Variants in UNC5D observed in about 807,000 individuals in gnomAD.
UNC5D encodes the protein netrin receptor UNC5D.
A neutral mutation model predicts 105.4 loss-of-function variants in UNC5D; 39 were observed. The ratio of observed to expected loss-of-function variants is 0.37; its 90% confidence interval spans 0.29 to 0.48. UNC5D has a LOEUF of 0.48. Ranked by LOEUF, UNC5D falls within the 20% of genes least tolerant of loss-of-function variation. The pLI is 0.98. For missense variants in UNC5D, 991 were observed against 1,202.4 expected (o/e 0.82, Z 2.60); for synonymous variants, 452 against 450.4 (o/e 1.00, Z -0.04).
chr8:35,352,738 G>A (rs995530285), intron 1 of UNC5D, among the ~76,000 whole-genome samples: 3 of 151,956 alleles, frequency 2.0e-5, no homozygotes, highest in Middle Eastern at 3.2e-3. Flanking sequence ...TCAGCCTCCC[G>A]AGTAACTGGG....
chr8:35,760,915 T>C (rs900610005), intron 14 of UNC5D, among the ~76,000 whole-genome samples: 1 of 152,114 alleles, frequency 6.6e-6, no homozygotes, highest in Non-Finnish European at 1.5e-5. Flanking sequence ...AAATTCAGGA[T>C]TTTTAAACTG....
intron 1 of UNC5D, among the ~76,000 whole-genome samples, chr8:35,385,838 T>C (rs1803360315): frequency 1.3e-5 from 2 of 152,202 alleles, no homozygotes; most frequent in African/African-American, 4.8e-5. Flanking sequence ...AATAAAGAGA[T>C]GAGTGATTGT....
At chr8:35,494,665 C>A (rs951800284) in intron 1 of UNC5D, among the ~76,000 whole-genome samples, 1 of 152,172 alleles carries the variant, frequency 6.6e-6, no homozygotes, top group Non-Finnish European at 1.5e-5. Context: ...GAAAGCTGTG[C>A]CTTGCATAAG....
At position 35,782,502 on chromosome 8, in the gene UNC5D, A is replaced by ATT. The variant is rs939339572; in HGVS notation, c.2658-7839_2658-7838dup. Among the ~76,000 whole-genome samples the ATT allele has an allele frequency of 1.4e-3, 196 of 138,214 alleles. 1 individual carries two copies. The highest frequency in any genetic ancestry group is 3.8e-3 in the Middle Eastern group (1 of 264). The allele number at this position is 138,214 out of a possible 152,430, so 90.7% of individuals were successfully genotyped here. On this transcript the variant is annotated intron_variant, in intron 16 of 16. Coordinates refer to ENST00000404895, the MANE Select transcript of UNC5D (RefSeq NM_080872.4). ...TTTTGTACTGACAAACTACTCAAAA[A>ATT]TTTTTTTTTTTTTTTTTTTGAGACG...
chr8:35,495,038 G>A (rs950468733), intron 1 of UNC5D, among the ~76,000 whole-genome samples: 1 of 152,052 alleles, frequency 6.6e-6, no homozygotes, highest in Admixed American at 6.6e-5. Flanking sequence ...CCTCCCAGGG[G>A]ACCGATCCAG....
chr8:35,398,761 G>C (rs1245618857), intron 1 of UNC5D, among the ~76,000 whole-genome samples: 1 of 152,046 alleles, frequency 6.6e-6, no homozygotes, highest in Non-Finnish European at 1.5e-5. Context: ...TTGTGGTTTT[G>C]TTAGTGATTT....
intron 4 of UNC5D, among the ~76,000 whole-genome samples, chr8:35,648,337 A>G (rs1317891728): frequency 6.6e-6 from 1 of 152,120 alleles, no homozygotes; most frequent in African/African-American, 2.4e-5. Context: ...GGACAGAGGT[A>G]CCTGCTCCCA....
intron 2 of UNC5D, among the ~76,000 whole-genome samples, chr8:35,564,599 A>G (rs1456287512): frequency 6.6e-6 from 1 of 152,188 alleles, no homozygotes; most frequent in African/African-American, 2.4e-5. Flanking sequence ...TGTCCTAACA[A>G]ACAAATAAAT....
At chr8:35,320,149 C>T (rs915235996) in intron 1 of UNC5D, among the ~76,000 whole-genome samples, 10 of 151,858 alleles carry the variant, frequency 6.6e-5, no homozygotes, top group African/African-American at 2.4e-4. Flanking sequence ...CATAAGACAT[C>T]AATCAGTATA....
intron 1 of UNC5D, among the ~76,000 whole-genome samples, chr8:35,408,009 A>G (rs1021942369): frequency 6.6e-6 from 1 of 152,152 alleles, no homozygotes; most frequent in Non-Finnish European, 1.5e-5. Flanking sequence ...TGCAATGAAC[A>G]TACACATGCA....
intron 1 of UNC5D, among the ~76,000 whole-genome samples, chr8:35,529,104 T>C (rs1244291650): frequency 1.4e-5 from 2 of 143,176 alleles, no homozygotes; most frequent in African/African-American, 5.5e-5. Context: ...TTTGGTGTTT[T>C]GGACATGAAG....
At chr8:35,706,922 G>A (rs539489991) in intron 8 of UNC5D, among the ~76,000 whole-genome samples, 5 of 152,124 alleles carry the variant, frequency 3.3e-5, no homozygotes, top group African/African-American at 7.2e-5. Flanking sequence ...TGTAAAGGAC[G>A]CTAGGGAAAC....
chr8:35,675,339 A>G (rs1177990161), intron 4 of UNC5D, among the ~76,000 whole-genome samples: 4 of 152,202 alleles, frequency 2.6e-5, no homozygotes, highest in African/African-American at 4.8e-5. Flanking sequence ...ATGGACAGCA[A>G]TTTGGGCTAG....
intron 16 of UNC5D, 114 bp downstream of exon 16, chr8:35,774,591 GC>G: frequency 7.4e-7 from 1 of 1,348,878 alleles, no homozygotes; most frequent in Non-Finnish European, 1.0e-6. Flanking sequence ...AGTTCCTCTG[GC>G]CATATTTCCT....
intron 1 of UNC5D, among the ~76,000 whole-genome samples, chr8:35,451,763 A>G (rs921829983): frequency 1.3e-5 from 2 of 151,742 alleles, no homozygotes; most frequent in South Asian, 2.1e-4. Context: ...GAATGTTTCT[A>G]GCTTTATCAT....
At chr8:35,613,983 G>A (rs550396142) in intron 4 of UNC5D, among the ~76,000 whole-genome samples, 4 of 152,328 alleles carry the variant, frequency 2.6e-5, no homozygotes, top group South Asian at 4.1e-4. Context: ...TGTGTGTGGG[G>A]TGTTAATCTT....
intron 1 of UNC5D, among the ~76,000 whole-genome samples, chr8:35,383,010 C>A (rs1421334316): frequency 3.9e-5 from 6 of 152,196 alleles, no homozygotes; most frequent in Non-Finnish European, 8.8e-5. Flanking sequence ...TTAAAATACT[C>A]CCTAGTGCAA....
chr8:35,620,294 G>A (rs1006397631), intron 4 of UNC5D, among the ~76,000 whole-genome samples: 1 of 152,152 alleles, frequency 6.6e-6, no homozygotes, highest in East Asian at 1.9e-4. Flanking sequence ...GGGCTGTACC[G>A]AGTTGTTACA....
intron 1 of UNC5D, among the ~76,000 whole-genome samples, chr8:35,526,989 AT>A (rs1435228303): frequency 6.6e-6 from 1 of 152,166 alleles, no homozygotes; most frequent in Non-Finnish European, 1.5e-5. Context: ...TTCTGCTCTC[AT>A]CACATTTTAT....
Sources: gnomAD v4.1 joint callset for allele counts (sites outside exome capture counted in the v4.1 genomes callset) on GRCh38, gnomAD v4.1.1 for gene constraint, MANE v1.5 for transcripts, NCBI Gene and HGNC (gene_info 2026-07-23, HGNC 2026-07-21) for gene names.